Variants in ITGB1BP1 observed in about 807,000 individuals in gnomAD.
ITGB1BP1 encodes the protein integrin subunit beta 1 binding protein 1.
A neutral mutation model predicts 28.0 loss-of-function variants in ITGB1BP1; 20 were observed. The ratio of observed to expected loss-of-function variants is 0.71; its 90% confidence interval spans 0.50 to 1.04. The LOEUF is 1.04. Ranked by LOEUF, ITGB1BP1 falls within the 50% of genes least tolerant of loss-of-function variation. The pLI is 0.00. For missense variants in ITGB1BP1, 228 were observed against 242.5 expected, an observed-to-expected ratio of 0.94 and a Z score of 0.40; for synonymous variants, 103 against 89.5, an observed-to-expected ratio of 1.15 and a Z score of -0.85.
At chr2:9,413,935 T>C (rs1054720058) in intron 3 of ITGB1BP1, among the ~76,000 whole-genome samples, 1 of 152,194 alleles carries the variant, frequency 6.6e-6, no homozygotes, top group Non-Finnish European at 1.5e-5. Flanking sequence ...AAAACTATTT[T>C]GAAACTTCCA....
chr2:9,417,218 C>T (rs966943241), intron 2 of ITGB1BP1, among the ~76,000 whole-genome samples: 1 of 152,122 alleles, frequency 6.6e-6, no homozygotes. Context: ...CCTGCCTCGC[C>T]CAGGCCACGC....
intron 1 of ITGB1BP1, 138 bp from the exon 2 acceptor site, chr2:9,418,870 C>G: frequency 1.6e-6 from 1 of 641,408 alleles, no homozygotes; most frequent in Non-Finnish European, 2.8e-6. Context: ...GACCTCACAC[C>G]TCAGCCTCCC....
chr2:9,421,915 A>G (rs1266796335), intron 1 of ITGB1BP1, among the ~76,000 whole-genome samples: 1 of 151,790 alleles, frequency 6.6e-6, no homozygotes, highest in African/African-American at 2.4e-5. Context: ...CCCACATCCA[A>G]TCTGGCACCA....
Position 9,406,876 on chromosome 2 carries a change from T to C in ITGB1BP1, c.561A>G (p.Leu187=), listed in dbSNP as rs769086983. 7.4e-6 allele frequency: 12 copies of C among 1,613,380 alleles called. No individual in the cohort carries two copies. In the Admixed American group the frequency reaches 1.8e-4, roughly 25 times the overall value. ...LEQAQAICKV[L]STAFDSVLTS... is the part of the protein sequence containing the mutation. ...TTAATACAGAGTCAAAAGCGGTGGA[T>C]AAAACCTTGCAAATGGCTTGTGCTT... Residue 187 remains leucine (L), a synonymous_variant, in exon 7 of 7, where the codon TTA becomes TTG. Coordinates refer to ENST00000355346, the MANE Select transcript of ITGB1BP1 (RefSeq NM_004763.5).
rs777245835 is a variant in ITGB1BP1 at position 9,422,434 on chromosome 2, C to T, written c.-36+939G>A. 1.1e-5 allele frequency: 11 copies of T among 985,478 alleles called. No individual in the cohort carries two copies. The East Asian group carries it at 3.4e-4, about 30-fold the overall frequency. The allele number at this position is 985,478 out of a possible 1,614,324, so 61.0% of individuals were successfully genotyped here. A position where few individuals can be genotyped will look rare whatever the true frequency, so the allele number is the denominator to read the frequency against. ...TGCTCCACGCGCCCCTGCTTTGCAC[C>T]GCCCGGGACGTCCTTCACCTGTCAG... On this transcript the variant is annotated intron_variant, in intron 1 of 6. Transcript: ENST00000355346.
intron 1 of ITGB1BP1, among the ~76,000 whole-genome samples, chr2:9,422,256 C>T (rs764967945): frequency 6.6e-6 from 1 of 152,222 alleles, no homozygotes; most frequent in Non-Finnish European, 1.5e-5. Flanking sequence ...CACTGGTTCT[C>T]CAAAGTCAGA....
chr2:9,415,480 C>G lies in ITGB1BP1; in HGVS notation c.73-1224G>C, dbSNP rs1381270014. ...CCTGTAGTCCCAGCTATTTGGCAGGCTGAGGCAGGAGAATCGCTTGAACCC... is the reference window on the plus strand; with the variant it reads ...CCTGTAGTCCCAGCTATTTGGCAGGGTGAGGCAGGAGAATCGCTTGAACCC... On this transcript the variant is annotated intron_variant, in intron 2 of 6. Transcript: ENST00000355346. The surrounding 1 kb of genome is among the most constrained non-coding windows in gnomAD (Gnocchi z 4.1). Among the ~76,000 whole-genome samples, 1 of 152,026 alleles carries G rather than the reference C, an allele frequency of 6.6e-6. No individual in the cohort carries two copies. The highest frequency in any genetic ancestry group is 2.4e-5 in the African/African-American group (1 of 41,380).
At chr2:9,420,027 C>T in intron 1 of ITGB1BP1, 2 of 981,262 alleles carry the variant, frequency 2.0e-6, no homozygotes, top group Non-Finnish European at 2.4e-6. Flanking sequence ...TTCAAAGGTC[C>T]CACATACAGC....
At chr2:9,407,978 T>G in intron 5 of ITGB1BP1, 135 bp downstream of exon 5, 1 of 637,728 alleles carries the variant, frequency 1.6e-6, no homozygotes, top group Non-Finnish European at 2.8e-6. Context: ...TGGTCACGTT[T>G]AAGACCAACT....
At chr2:9,423,181 G>A in intron 1 of ITGB1BP1, 192 bp downstream of exon 1, 1 of 907,094 alleles carries the variant, frequency 1.1e-6, no homozygotes, top group Non-Finnish European at 1.3e-6. Flanking sequence ...CGATCTGCGT[G>A]GTTCCAAGCT....
Position 9,408,046 on chromosome 2 carries a change from G to A in ITGB1BP1, c.381+67C>T, listed in dbSNP as rs1311812723. On this transcript the variant is annotated intron_variant, in intron 5 of 6. Transcript: ENST00000355346. ...AACAGGAGTGGCCCTAATTATAAGG[G>A]GGCTCTTAATGGCCTGAATTCCCTG... The A allele has an allele frequency of 1.4e-5, 12 of 850,404 alleles. No individual in the cohort carries two copies. The East Asian group carries it at 2.8e-4, about 20-fold the overall frequency. 52.7% of individuals were successfully genotyped at this position (850,404 alleles called of 1,614,324 possible). A position where few individuals can be genotyped will look rare whatever the true frequency, so the allele number is the denominator to read the frequency against.
chr2:9,406,044 G>A lies in ITGB1BP1; in HGVS notation c.*790C>T. On this transcript the variant is annotated 3_prime_UTR_variant, in exon 7 of 7. Transcript: ENST00000355346. ...GGCCTTCAGTGTGTGTCACTGAGTG[G>A]ACCTCTGTGACATCTCGTCTTCCTC... The A allele has an allele frequency of 8.0e-6, 1 of 125,216 alleles. No individual in the cohort carries two copies. The highest frequency in any genetic ancestry group is 2.6e-4 in the South Asian group (1 of 3,878). The allele number at this position is 125,216 out of a possible 1,614,324, so 7.8% of individuals were successfully genotyped here. A position where few individuals can be genotyped will look rare whatever the true frequency, so the allele number is the denominator to read the frequency against.
chr2:9,412,621 G>C (rs1258604551), intron 3 of ITGB1BP1: 1 of 437,972 alleles, frequency 2.3e-6, no homozygotes, highest in Admixed American at 4.1e-5. Context: ...AGTATACAAA[G>C]GTCTCAATAA....
chr2:9,420,103 G>A, intron 1 of ITGB1BP1: 13 of 954,914 alleles, frequency 1.4e-5, no homozygotes, highest in Non-Finnish European at 1.6e-5. Context: ...CTACGCACCT[G>A]ATGAAGGAAA....
intron 1 of ITGB1BP1, chr2:9,422,911 G>C: frequency 2.0e-6 from 2 of 986,060 alleles, no homozygotes; most frequent in Non-Finnish European, 2.4e-6. Context: ...GCCAAGCTCG[G>C]GGCCTAGGGA....
intron 1 of ITGB1BP1, among the ~76,000 whole-genome samples, chr2:9,419,355 C>T (rs1679517385): frequency 6.6e-6 from 1 of 152,208 alleles, no homozygotes; most frequent in Admixed American, 6.5e-5. Flanking sequence ...TACTATGACA[C>T]ATTGGCTTTT....
intron 4 of ITGB1BP1, among the ~76,000 whole-genome samples, chr2:9,410,639 C>CA (rs1258453719): frequency 2.6e-5 from 4 of 152,158 alleles, no homozygotes; most frequent in Non-Finnish European, 5.9e-5. Context: ...AGGGTTTTGC[C>CA]ATATTGGCCA....
intron 6 of ITGB1BP1, 92 bp from the exon 7 acceptor site, chr2:9,406,997 A>T (rs1410723660): frequency 6.4e-6 from 6 of 935,840 alleles, no homozygotes; most frequent in Non-Finnish European, 1.1e-5. Flanking sequence ...TGACCCTCTT[A>T]AGACCTCTCC....
intron 4 of ITGB1BP1, chr2:9,411,995 T>C (rs1472686052): frequency 1.6e-5 from 5 of 306,678 alleles, no homozygotes; most frequent in Admixed American, 5.3e-5. Context: ...TGAGCCGAGA[T>C]TGCACCACTG....
Sources: gnomAD v4.1 joint callset for allele counts (sites outside exome capture counted in the v4.1 genomes callset) on GRCh38, gnomAD v4.1.1 for gene constraint, Gnocchi (gnomAD v3.1) non-coding constraint, MANE v1.5 for transcripts, NCBI Gene and HGNC (gene_info 2026-07-23, HGNC 2026-07-21) for gene names.